The following RNF149 variants were observed in gnomAD, a reference collection of about 807,000 sequenced individuals.
The protein encoded by RNF149 is E3 ubiquitin-protein ligase RNF149.
A neutral mutation model predicts 39.0 loss-of-function variants in RNF149; 21 were observed. That is an observed-to-expected ratio of 0.54 (90% CI 0.38 to 0.77). The LOEUF (loss-of-function observed/expected upper bound fraction) is 0.77. RNF149 is among the 30% of genes least tolerant of loss of function. The pLI is 0.00. For missense variants in RNF149, 493 were observed against 534.9 expected, an observed-to-expected ratio of 0.92 and a Z score of 0.77; for synonymous variants, 209 against 213.6, an observed-to-expected ratio of 0.98 and a Z score of 0.19.
intron 3 of RNF149, among the ~76,000 whole-genome samples, chr2:101,292,726 AC>A (rs2104412965): frequency 6.6e-6 from 1 of 152,306 alleles, no homozygotes; most frequent in African/African-American, 2.4e-5. Context: ...AGATTGCGCC[AC>A]TGCACTCCAG....
At chr2:101,297,902 G>A (rs996375810) in intron 1 of RNF149, among the ~76,000 whole-genome samples, 8 of 152,192 alleles carry the variant, frequency 5.3e-5, no homozygotes, top group African/African-American at 1.9e-4. Context: ...GGTAACAAAT[G>A]AAAACATTTC....
At chr2:101,273,048 G>C (rs1682195206), downstream of RNF149, 1 of 1,355,246 alleles carries the variant, frequency 7.4e-7, no homozygotes, top group Non-Finnish European at 9.8e-7. Flanking sequence ...TCATTCCTCA[G>C]TAGCTGGAGG....
intron 1 of RNF149, among the ~76,000 whole-genome samples, chr2:101,304,694 C>A (rs896293397): frequency 6.6e-6 from 1 of 152,076 alleles, no homozygotes; most frequent in African/African-American, 2.4e-5. Flanking sequence ...CAAAAAAATT[C>A]CAGTCACATT....
downstream of RNF149, chr2:101,273,054 G>A: frequency 7.4e-7 from 1 of 1,356,396 alleles, no homozygotes; most frequent in Non-Finnish European, 9.8e-7. Context: ...CTCAGTAGCT[G>A]GAGGGAGCAG....
downstream of RNF149, among the ~76,000 whole-genome samples, chr2:101,272,555 AAC>A (rs760004849): frequency 2.0e-5 from 3 of 152,248 alleles, no homozygotes; most frequent in Non-Finnish European, 4.4e-5. Flanking sequence ...ACAGAAACAC[AAC>A]ACATATTAAC....
At chr2:101,303,261 A>G (rs139078151) in intron 1 of RNF149, among the ~76,000 whole-genome samples, 2,636 of 147,108 alleles carry the variant, frequency 0.018, 40 homozygotes, top group Middle Eastern at 0.04. Context: ...GACTACAGAC[A>G]CTTGCCTCAA....
At chr2:101,297,139 G>A (rs1467645826) in intron 1 of RNF149, among the ~76,000 whole-genome samples, 1 of 152,126 alleles carries the variant, frequency 6.6e-6, no homozygotes, top group Admixed American at 6.5e-5. Context: ...AACCCAGGAG[G>A]CAGAGGCTGC....
rs1683171452 is a variant in RNF149, at chr2:101,295,145, G to A, written c.497C>T (p.Pro166Leu). ...GNIVVIMISY[P>L]KGREILELVQ... ...CAGCTCCAAAATTTCTCTTCCTTTTGGATAGCTAATCATAATGACCACTAT... is the reference window on the plus strand; with the variant it reads ...CAGCTCCAAAATTTCTCTTCCTTTTAGATAGCTAATCATAATGACCACTAT... The change falls in exon 2 of 7, where the codon CCA (proline) becomes CTA (leucine). Residue 166 changes from proline (P) to leucine (L), a missense_variant. Coordinates refer to ENST00000295317, the MANE Select transcript of RNF149 (RefSeq NM_173647.4). 1 of 1,613,780 alleles carries A rather than the reference G, an allele frequency of 6.2e-7. No individual in the cohort carries two copies. Among genetic ancestry groups the A allele is most frequent in the Non-Finnish European group, 8.5e-7 (1 of 1,179,750 alleles).
intron 6 of RNF149, among the ~76,000 whole-genome samples, chr2:101,278,051 C>CA (rs11422564): frequency 0.14 from 22,018 of 152,196 alleles, 1,849 homozygotes; most frequent in Middle Eastern, 0.27. Flanking sequence ...ATGAAGTATA[C>CA]AAAATCACTT....
At position 101,276,460 on chromosome 2, in the gene RNF149, A is replaced by G. The variant is rs1682347519; in HGVS notation, c.*778T>C. On this transcript the variant is annotated 3_prime_UTR_variant, in exon 7 of 7. Transcript: ENST00000295317. The stretch of plus-strand genomic sequence containing the variant: ...TTTTAATTGTAAAGATTAAATTGTA[A>G]CTGAAATCAATATAACAGATTCTGA... 1.0e-6 allele frequency: 1 copy of G among 985,768 alleles called. No homozygotes were observed. Among genetic ancestry groups the G allele is most frequent in the Admixed American group, 6.1e-5 (1 of 16,290 alleles). The allele number at this position is 985,768 out of a possible 1,614,324, so 61.1% of individuals were successfully genotyped here.
At chr2:101,295,234 G>A in intron 1 of RNF149, 53 bp from the exon 2 acceptor site, 2 of 1,472,234 alleles carry the variant, frequency 1.4e-6, no homozygotes, top group East Asian at 2.3e-5. Context: ...AAGATACAGA[G>A]AACATTAAAT....
intron 4 of RNF149, among the ~76,000 whole-genome samples, chr2:101,287,384 T>A (rs1313366275): frequency 6.6e-6 from 1 of 152,154 alleles, no homozygotes. Context: ...AAGGAACATG[T>A]TGGTTTTATT....
At chr2:101,278,373 T>C (rs932397362) in intron 6 of RNF149, among the ~76,000 whole-genome samples, 9 of 152,130 alleles carry the variant, frequency 5.9e-5, no homozygotes, top group South Asian at 2.1e-4. Context: ...CCTCATGCGA[T>C]GCAATCTGCT....
At chr2:101,281,640 AC>A (rs1006069862) in intron 6 of RNF149, 4 of 552,194 alleles carry the variant, frequency 7.2e-6, no homozygotes, top group Non-Finnish European at 1.3e-5. Context: ...AGCTGGGACT[AC>A]AGGAGAATGC....
intron 4 of RNF149, among the ~76,000 whole-genome samples, chr2:101,287,301 C>A (rs538132893): frequency 6.6e-6 from 1 of 152,004 alleles, no homozygotes; most frequent in Non-Finnish European, 1.5e-5. Flanking sequence ...CCAGTCTGGG[C>A]AACAAGAACG....
rs1478271964 is a variant in RNF149, at chr2:101,286,096, T to G, written c.945A>C (p.Lys315Asn). ...TCPMCKLDVI[K>N]ALGYWGEPGD... Reference sequence around the variant, plus strand: ...TGTAACAAACCCAATATCCTAGGGCTTTGATGACATCAAGTTTACACATTG... The same window carrying G: ...TGTAACAAACCCAATATCCTAGGGCGTTGATGACATCAAGTTTACACATTG... Residue 315 changes from lysine (K) to asparagine (N), a missense_variant, in exon 5 of 7, where the codon AAA becomes AAC. Transcript: ENST00000295317. 1.2e-6 allele frequency: 2 copies of G among 1,606,410 alleles called. No individual in the cohort carries two copies. The highest frequency in any genetic ancestry group is 8.5e-7 in the Non-Finnish European group (1 of 1,173,126).
chr2:101,282,922 C>T (rs990924529), intron 5 of RNF149, among the ~76,000 whole-genome samples: 3 of 152,128 alleles, frequency 2.0e-5, no homozygotes, highest in Non-Finnish European at 4.4e-5. Context: ...CCCTCCCATC[C>T]CTACTCCTGA....
intron 5 of RNF149, 87 bp from the exon 6 acceptor site, chr2:101,282,144 C>G (rs1682617437): frequency 3.9e-6 from 6 of 1,540,606 alleles, no homozygotes; most frequent in Non-Finnish European, 5.2e-6. Flanking sequence ...AATTCACACA[C>G]AATATTACGT....
At chr2:101,274,827 C>A (rs577773083), downstream of RNF149, among the ~76,000 whole-genome samples, 8 of 152,334 alleles carry the variant, frequency 5.3e-5, no homozygotes, top group African/African-American at 1.9e-4. Context: ...GCTCTTGTTG[C>A]CCAGGCTGGA....
Sources: allele counts gnomAD v4.1 joint callset (sites outside exome capture counted in the v4.1 genomes callset), GRCh38; gene constraint gnomAD v4.1.1; transcripts MANE v1.5; gene names NCBI Gene and HGNC (gene_info 2026-07-23, HGNC 2026-07-21).